The following FAM170A variants were observed in gnomAD, a reference collection of about 807,000 sequenced individuals.
FAM170A encodes protein FAM170A.
FAM170A carries 28 observed loss-of-function variants against 36.6 expected under a neutral mutation model. The observed-to-expected ratio is 0.76, with a 90% CI of 0.57 to 1.05. The LOEUF (loss-of-function observed/expected upper bound fraction) is 1.05. FAM170A is among the 50% of genes least tolerant of loss of function. The pLI, the probability that FAM170A is intolerant of heterozygous loss-of-function variation, is 0.00. For missense variants in FAM170A, 434 were observed against 396.5 expected, an observed-to-expected ratio of 1.09 and a Z score of -0.80; for synonymous variants, 156 against 143.9, an observed-to-expected ratio of 1.08 and a Z score of -0.60.
exon 3 of FAM170A, chr5:119,634,220 A>G (rs1480640308): frequency 6.2e-7 from 1 of 1,614,232 alleles, no homozygotes; most frequent in Non-Finnish European, 8.5e-7. Context: ...GCAGCCAAGG[A>G]TGGAAGAAGT....
At chr5:119,634,215 C>G (rs201856456) in exon 3 of FAM170A, 4 of 1,614,178 alleles carry the variant, frequency 2.5e-6, no homozygotes. Context: ...GAAAAGCAGC[C>G]AAGGATGGAA....
Position 119,635,103 on chromosome 5 carries a change from G to T in FAM170A, c.*52+17G>T, listed in dbSNP as rs1415555874. ...TTGCAAGAGGTAAGGAGTGAGACTT[G>T]CAGTTTTCTGAGGCTGTGTTGTGAG... is the stretch of plus-strand genomic sequence containing the variant. On this transcript the variant is annotated intron_variant, in intron 4 of 4. Coordinates refer to ENST00000613773, the Ensembl canonical transcript of FAM170A. The T allele has an allele frequency of 6.4e-7, 1 of 1,570,366 alleles. No individual in the cohort carries two copies. The highest frequency in any genetic ancestry group is 1.7e-5 in the Admixed American group (1 of 59,964).
chr5:119,630,543 G>C (rs139435141), intron 1 of FAM170A, among the ~76,000 whole-genome samples: 1 of 152,116 alleles, frequency 6.6e-6, no homozygotes, highest in Non-Finnish European at 1.5e-5. Flanking sequence ...GGAAGACCTG[G>C]CTGTTGGCTG....
exon 3 of FAM170A, chr5:119,634,140 T>C (rs1166105222): frequency 8.7e-6 from 14 of 1,614,112 alleles, no homozygotes; most frequent in Non-Finnish European, 1.2e-5. Context: ...ATATACTACA[T>C]GCAGGTACAA....
intron 1 of FAM170A, among the ~76,000 whole-genome samples, chr5:119,631,513 C>T (rs1384676286): frequency 6.6e-6 from 1 of 152,100 alleles, no homozygotes; most frequent in Non-Finnish European, 1.5e-5. Context: ...GCCTGGGCAA[C>T]ACTCAATACA....
chr5:119,635,085 A>C, exon 4 of FAM170A: 1 of 1,603,528 alleles, frequency 6.2e-7, no homozygotes, highest in African/African-American at 1.3e-5. Context: ...CTCTTGCAAG[A>C]GGTAAGGAGT....
At chr5:119,634,802 C>T (rs942207463) in intron 3 of FAM170A, 68 bp downstream of exon 3, 10 of 1,454,162 alleles carry the variant, frequency 6.9e-6, no homozygotes, top group African/African-American at 1.4e-5. Flanking sequence ...ACTGTCTCCC[C>T]AGTTCAGGCT....
chr5:119,634,672 T>A, exon 3 of FAM170A: 1 of 1,577,628 alleles, frequency 6.3e-7, no homozygotes, highest in Non-Finnish European at 8.6e-7. Context: ...AAGAAGACCT[T>A]GGCCTGAGGA....
chr5:119,630,042 C>T (rs1424478280), intron 1 of FAM170A, among the ~76,000 whole-genome samples: 1 of 151,834 alleles, frequency 6.6e-6, no homozygotes. Context: ...CAGGTGCCCA[C>T]CACCACGCCC....
At chr5:119,632,187 T>A (rs1756268149) in intron 1 of FAM170A, among the ~76,000 whole-genome samples, 1 of 152,238 alleles carries the variant, frequency 6.6e-6, no homozygotes, top group South Asian at 2.1e-4. Context: ...ACTTATATAT[T>A]TCTGCTTAAT....
chr5:119,632,723 T>G, intron 1 of FAM170A, 25 bp from the exon 2 acceptor site: 1 of 1,543,032 alleles, frequency 6.5e-7, no homozygotes, highest in Non-Finnish European at 8.8e-7. Flanking sequence ...CCATCATATC[T>G]CTGTTCCCTT....
At chr5:119,633,912 C>A (rs1460369465) in intron 2 of FAM170A, 48 bp from the exon 3 acceptor site, 2 of 1,568,344 alleles carry the variant, frequency 1.3e-6, no homozygotes, top group African/African-American at 1.4e-5. Flanking sequence ...TCCCTCAGCT[C>A]CTAGCATGGC....
At position 119,631,672 on chromosome 5, in the gene FAM170A, T is replaced by A. The variant is rs144697938; in HGVS notation, c.71-1076T>A. Among the ~76,000 whole-genome samples, 917 of 152,262 alleles carry A rather than the reference T, an allele frequency of 6.0e-3. 11 individuals carry two copies. In the South Asian group the frequency reaches 0.066, roughly 11 times the overall value. On this transcript the variant is annotated intron_variant, in intron 1 of 4. Coordinates refer to ENST00000613773, the Ensembl canonical transcript of FAM170A. The stretch of plus-strand genomic sequence containing the variant: ...CACATACCGTTCCTCTATTACATAC[T>A]CACACAACCCATGTGTGTGACAGTC...
rs370840390 is a variant in FAM170A at position 119,629,847 on chromosome 5, G to A, written c.70+9G>A. 2.7e-5 allele frequency: 43 copies of A among 1,609,140 alleles called. No individual in the cohort carries two copies. The African/African-American group carries it at 3.3e-4, about 12-fold the overall frequency. ...CGCTGAGAAGGGAGGAGGTATGTGC[G>A]GGGCAAACTTTCTGGGGCACAAGCG... is the stretch of plus-strand genomic sequence containing the variant. On this transcript the variant is annotated intron_variant, in intron 1 of 4. Transcript: ENST00000613773.
intron 2 of FAM170A, among the ~76,000 whole-genome samples, chr5:119,633,709 C>T (rs1029103199): frequency 1.8e-4 from 27 of 152,046 alleles, no homozygotes; most frequent in Non-Finnish European, 2.4e-4. Context: ...CACATGCTGC[C>T]GACATTCCAC....
intron 1 of FAM170A, among the ~76,000 whole-genome samples, chr5:119,632,131 A>G (rs1405451678): frequency 6.6e-6 from 1 of 152,232 alleles, no homozygotes; most frequent in Non-Finnish European, 1.5e-5. Context: ...TTTGTTTGCT[A>G]AATCTGATGA....
chr5:119,631,245 A>G (rs936507143), intron 1 of FAM170A, among the ~76,000 whole-genome samples: 1 of 152,236 alleles, frequency 6.6e-6, no homozygotes, highest in African/African-American at 2.4e-5. Context: ...AGCAGCGCCT[A>G]TGAGGCATAA....
chr5:119,630,321 ATTTTTT>A (rs10603530), intron 1 of FAM170A, among the ~76,000 whole-genome samples: 5 of 118,392 alleles, frequency 4.2e-5, no homozygotes, highest in East Asian at 2.2e-4. Flanking sequence ...CGCCTGGCTA[ATTTTTT>A]TTTTTTTTTT....
intron 1 of FAM170A, among the ~76,000 whole-genome samples, chr5:119,630,439 G>A (rs1336619777): frequency 6.6e-6 from 1 of 151,738 alleles, no homozygotes; most frequent in Admixed American, 6.6e-5. Flanking sequence ...CCAAAGTGCT[G>A]GGATTATAGG....
Sources: gnomAD v4.1 joint callset for allele counts (sites outside exome capture counted in the v4.1 genomes callset) on GRCh38, gnomAD v4.1.1 for gene constraint, MANE v1.5 for transcripts, NCBI Gene and HGNC (gene_info 2026-07-23, HGNC 2026-07-21) for gene names.